The following ABCA13 variants were observed in gnomAD, a reference collection of about 807,000 sequenced individuals.
ABCA13 encodes the protein ATP-binding cassette sub-family A member 13.
Under a neutral mutation model 478.7 loss-of-function variants are expected in ABCA13, and 476 were observed. That is an observed-to-expected ratio of 0.99 (90% CI 0.92 to 1.07). The LOEUF (loss-of-function observed/expected upper bound fraction) is 1.07. Ranked by LOEUF, ABCA13 falls within the 50% of genes least tolerant of loss-of-function variation. The pLI is 0.00. For synonymous variants in ABCA13, 2,252 were observed against 2,158.9 expected, an observed-to-expected ratio of 1.04 and a Z score of -1.20; for missense variants, 6,060 against 5,910.6, an observed-to-expected ratio of 1.03 and a Z score of -0.83.
chr7:48,438,884 GTT>G, intron 42 of ABCA13, among the ~76,000 whole-genome samples: 1 of 139,414 alleles, frequency 7.2e-6, no homozygotes, highest in Middle Eastern at 3.9e-3. Context: ...TTTTGCTAAG[GTT>G]TTTTTTTTTT....
At chr7:48,526,247 T>A (rs1832886624) in intron 54 of ABCA13, among the ~76,000 whole-genome samples, 1 of 152,044 alleles carries the variant, frequency 6.6e-6, no homozygotes, top group Admixed American at 6.6e-5. Flanking sequence ...CAGGAAAAGG[T>A]CAGAGTAAAA....
At position 48,272,005 on chromosome 7, in the gene ABCA13, GT is replaced by G; in HGVS notation, c.2342del (p.Leu781Ter). Reference protein sequence around the residue: ...ISSLWTNHLKSLKRDPSATDA... With the variant: ...ISSLWTNHLKXLKRDPSATDA... ...TCTCTGTGGACAAATCATTTAAAAAGTTTAAAGAGAGACCCATCTGCCACTG... is the reference window on the plus strand; with the variant it reads ...TCTCTGTGGACAAATCATTTAAAAAGTTAAAGAGAGACCCATCTGCCACTG... On this transcript the variant is annotated frameshift_variant, in exon 17 of 62. Transcript: ENST00000435803. LOFTEE classifies it high-confidence loss of function. 3 of 1,613,502 alleles carry G rather than the reference GT, an allele frequency of 1.9e-6. No homozygotes were observed. The highest frequency in any genetic ancestry group is 1.7e-6 in the Non-Finnish European group (2 of 1,179,704).
rs774832539 is a variant in ABCA13 at position 48,239,257 on chromosome 7, C to A, written c.914C>A (p.Ser305Tyr). The A allele has an allele frequency of 3.7e-6, 6 of 1,613,696 alleles. No individual in the cohort carries two copies. The highest frequency in any genetic ancestry group is 5.1e-6 in the Non-Finnish European group (6 of 1,179,640). ...AELKEIPTDTSLEKMVCSVLS... is the reference protein window; with the variant it reads ...AELKEIPTDTYLEKMVCSVLS... ...TGTTGTCAGATTCCCACAGACACTT[C>A]CTTGGAGAAGATGGTGTGTTCAGTC... is the stretch of plus-strand genomic sequence containing the variant. The change falls in exon 9 of 62, where the codon TCC (serine) becomes TAC (tyrosine). Residue 305 changes from serine (S) to tyrosine (Y), a missense_variant. Physicochemically the swap from Ser to Tyr is moderately radical, Grantham distance 144. Coordinates refer to ENST00000435803, the MANE Select transcript of ABCA13 (RefSeq NM_152701.5).
intron 15 of ABCA13, among the ~76,000 whole-genome samples, chr7:48,252,095 A>C (rs1346698815): frequency 6.6e-6 from 1 of 152,046 alleles, no homozygotes; most frequent in Non-Finnish European, 1.5e-5. Flanking sequence ...TTCAGCCGTT[A>C]ATTCTTTAAA....
At chr7:48,394,265 A>T (rs922772579) in intron 38 of ABCA13, among the ~76,000 whole-genome samples, 1 of 152,136 alleles carries the variant, frequency 6.6e-6, no homozygotes, top group South Asian at 2.1e-4. Flanking sequence ...TTGGAATATA[A>T]ATTTATAAAG....
In ABCA13 at chr7:48,279,697, T is replaced by G; in HGVS notation, c.8503T>G (p.Ser2835Ala). ...GAGGAAAGGACTTCTGTTTAACAAC[T>G]CTGAATGGATAACTTCCACAAGAAC... ...LWRKGLLFNN[S>A]EWITSTRTLF... Residue 2835 changes from serine (S) to alanine (A), a missense_variant, in exon 18 of 62, where the codon TCT (serine) becomes GCT (alanine). By Grantham distance (99) the Ser-to-Ala change is moderately conservative. Around this residue, in one of 3 missense-constraint regions of ABCA13, gnomAD observed 4,423 missense variants for 4,309.1 expected, o/e 1.03. Transcript: ENST00000435803. 1 of 1,613,650 alleles carries G rather than the reference T, an allele frequency of 6.2e-7. No individual in the cohort carries two copies. The highest frequency in any genetic ancestry group is 2.2e-5 in the East Asian group (1 of 44,800).
chr7:48,613,241 T>C (rs1361190972), intron 58 of ABCA13, among the ~76,000 whole-genome samples: 1 of 151,872 alleles, frequency 6.6e-6, no homozygotes, highest in Non-Finnish European at 1.5e-5. Flanking sequence ...CAGGCTGGAG[T>C]GCAGTGGCAA....
chr7:48,508,019 G>A lies in ABCA13; in HGVS notation c.13494G>A (p.Met4498Ile). 6.2e-7 allele frequency: 1 copy of A among 1,613,884 alleles called. No individual in the cohort carries two copies. The highest frequency in any genetic ancestry group is 1.3e-5 in the African/African-American group (1 of 75,048). Residue 4498 changes from methionine to isoleucine, a missense_variant, in exon 50 of 62, where the codon ATG becomes ATA. Met to Ile is a conservative substitution (Grantham distance 10). Coordinates refer to ENST00000435803, the MANE Select transcript of ABCA13 (RefSeq NM_152701.5). ...LQHISGLGYRMYWFTNFLYDM... is the reference protein window; with the variant it reads ...LQHISGLGYRIYWFTNFLYDM... ...ACATAAGTGGCCTTGGCTACAGGAT[G>A]TACTGGTTCACAAACTTCCTATATG...
intron 59 of ABCA13, among the ~76,000 whole-genome samples, chr7:48,636,000 T>G (rs956665107): frequency 6.6e-6 from 1 of 152,168 alleles, no homozygotes; most frequent in African/African-American, 2.4e-5. Flanking sequence ...TTCAAAGACA[T>G]CTATTTATAT....
chr7:48,477,093 A>T (rs62447289), intron 45 of ABCA13, among the ~76,000 whole-genome samples: 1 of 152,160 alleles, frequency 6.6e-6, no homozygotes, highest in African/African-American at 2.4e-5. Context: ...GCATTTAAAG[A>T]GTCCAGAGAT....
intron 27 of ABCA13, among the ~76,000 whole-genome samples, chr7:48,331,378 C>T (rs73697137): frequency 0.026 from 4,025 of 152,204 alleles, 197 homozygotes; most frequent in African/African-American, 0.092. Flanking sequence ...AGCTCTGAGC[C>T]TCATTAGTTC....
rs900475933 is a variant in ABCA13 at position 48,269,833 on chromosome 7, C to T, written c.2120+739C>T. On this transcript the variant is annotated intron_variant, in intron 16 of 61. Transcript: ENST00000435803. ...ACACCAAAGTTGGAGAACCATTCTG[C>T]TATATCTGTCTAGAATGGGGATTAG... Among the ~76,000 whole-genome samples the T allele has an allele frequency of 2.8e-4, 43 of 152,164 alleles. 2 individuals are homozygous for T. The highest frequency in any genetic ancestry group is 9.9e-4 in the African/African-American group (41 of 41,426).
intron 42 of ABCA13, among the ~76,000 whole-genome samples, chr7:48,435,869 T>G (rs912048725): frequency 6.7e-6 from 1 of 149,878 alleles, no homozygotes; most frequent in African/African-American, 2.5e-5. Flanking sequence ...AAATCCTCCC[T>G]TGTCATGATG....
At chr7:48,341,948 T>C (rs1035015948) in intron 29 of ABCA13, among the ~76,000 whole-genome samples, 1 of 146,730 alleles carries the variant, frequency 6.8e-6, no homozygotes, top group African/African-American at 2.5e-5. Context: ...TATATTCATA[T>C]ATATATACTC....
intron 41 of ABCA13, among the ~76,000 whole-genome samples, chr7:48,424,225 T>G (rs1196432377): frequency 6.6e-6 from 1 of 152,278 alleles, no homozygotes; most frequent in African/African-American, 2.4e-5. Context: ...TGATCAGGAC[T>G]TTTATACTCT....
At chr7:48,554,857 C>G (rs1227936557) in intron 55 of ABCA13, among the ~76,000 whole-genome samples, 1 of 149,536 alleles carries the variant, frequency 6.7e-6, no homozygotes, top group African/African-American at 2.5e-5. Flanking sequence ...TTTGATTGCT[C>G]TGGCTAGAAG....
In ABCA13 at chr7:48,511,170, AGCCACG is replaced by A; in HGVS notation, c.13615_13620del (p.Thr4539_Ala4540del). On this transcript the variant is annotated inframe_deletion, in exon 51 of 62. Coordinates refer to ENST00000435803, the MANE Select transcript of ABCA13 (RefSeq NM_152701.5). ...CTTTTACTTTCCGCAAGAACTTGGCAGCCACGGCCCTCCTGCTGTCACTTTTCGGGT... is the reference window on the plus strand; with the variant it reads ...CTTTTACTTTCCGCAAGAACTTGGCAGCCCTCCTGCTGTCACTTTTCGGGT... 1.9e-6 allele frequency: 3 copies of A among 1,613,434 alleles called. No individual in the cohort carries two copies. Among genetic ancestry groups the A allele is most frequent in the Non-Finnish European group, 2.5e-6 (3 of 1,179,592 alleles).
At chr7:48,205,385 GA>G (rs1784795159) in intron 3 of ABCA13, among the ~76,000 whole-genome samples, 1 of 152,038 alleles carries the variant, frequency 6.6e-6, no homozygotes, top group Admixed American at 6.6e-5. Flanking sequence ...ATTTCACATT[GA>G]TTTGTAATCC....
rs1290315091 is a variant in ABCA13, at chr7:48,412,539, C to T, written c.12415C>T (p.Leu4139=). ...GGCCCTGGATGAGAACCTGCATCAGCTGCACCTGACGGGCTATGGGATCTC... is the reference window on the plus strand; with the variant it reads ...GGCCCTGGATGAGAACCTGCATCAGTTGCACCTGACGGGCTATGGGATCTC... The part of the protein sequence containing the change: ...FQALDENLHQ[L]HLTGYGISDT... Residue 4139 remains leucine (L), a synonymous_variant, in exon 41 of 62, where the codon CTG becomes TTG. Coordinates refer to ENST00000435803, the MANE Select transcript of ABCA13 (RefSeq NM_152701.5). The T allele has an allele frequency of 6.2e-7, 1 of 1,613,166 alleles. No homozygotes were observed. The highest frequency in any genetic ancestry group is 1.3e-5 in the African/African-American group (1 of 74,806).
Sources: gnomAD v4.1 joint callset for allele counts (sites outside exome capture counted in the v4.1 genomes callset) on GRCh38, gnomAD v4.1.1 for gene constraint, gnomAD v4.1.1 regional missense constraint, MANE v1.5 for transcripts, NCBI Gene and HGNC (gene_info 2026-07-23, HGNC 2026-07-21) for gene names.